The following MCTP2 variants were observed in gnomAD, a reference collection of about 807,000 sequenced individuals.
MCTP2 encodes the protein multiple C2 and transmembrane domain-containing protein 2.
Under a neutral mutation model 111.6 loss-of-function variants are expected in MCTP2, and 132 were observed. The observed-to-expected ratio is 1.18, with a 90% confidence interval of 1.03 to 1.37. The LOEUF is 1.37. Ranked by LOEUF, MCTP2 falls within the 40% of genes most tolerant of loss-of-function variation. MCTP2 has a pLI of 0.00. For synonymous variants in MCTP2, 395 were observed against 387.7 expected, an observed-to-expected ratio of 1.02 and a Z score of -0.22; for missense variants, 1,183 against 1,067.9, an observed-to-expected ratio of 1.11 and a Z score of -1.50.
intron 8 of MCTP2, among the ~76,000 whole-genome samples, chr15:94,345,778 G>A (rs972279163): frequency 6.6e-6 from 1 of 152,168 alleles, no homozygotes; most frequent in African/African-American, 2.4e-5. Flanking sequence ...GTGAAAATTA[G>A]TGTAAAAATA....
chr15:94,360,977 G>A (rs147623216), intron 10 of MCTP2, among the ~76,000 whole-genome samples: 3 of 149,564 alleles, frequency 2.0e-5, no homozygotes, highest in East Asian at 2.0e-4. Flanking sequence ...GGAAATCTAC[G>A]GTAAAATATC....
chr15:94,232,193 T>C (rs1305169498), intron 1 of MCTP2, among the ~76,000 whole-genome samples: 2 of 152,260 alleles, frequency 1.3e-5, no homozygotes, highest in African/African-American at 4.8e-5. Flanking sequence ...GACAGTGATG[T>C]TGGTGGTGAA....
chr15:94,446,201 G>A (rs1206328900), intron 19 of MCTP2, among the ~76,000 whole-genome samples: 1 of 152,160 alleles, frequency 6.6e-6, no homozygotes, highest in Non-Finnish European at 1.5e-5. Context: ...GAACTTTCAG[G>A]TAACTAGGTT....
chr15:94,308,340 G>A (rs1331214781), intron 2 of MCTP2, among the ~76,000 whole-genome samples: 5 of 152,298 alleles, frequency 3.3e-5, no homozygotes, highest in South Asian at 2.1e-4. Flanking sequence ...CTGGTCAGGC[G>A]AGGTGTGCTG....
chr15:94,303,134 T>A (rs2075720495), intron 2 of MCTP2, among the ~76,000 whole-genome samples: 1 of 145,170 alleles, frequency 6.9e-6, no homozygotes, highest in Non-Finnish European at 1.5e-5. Context: ...ATATAGTTTA[T>A]ATATATATAT....
Position 94,480,639 on chromosome 15 carries a change from C to G in MCTP2, c.*1605C>G, listed in dbSNP as rs2074678881. On this transcript the variant is annotated 3_prime_UTR_variant, in exon 23 of 23. Transcript: ENST00000357742. Reference sequence around the variant, plus strand: ...GTGTAAACAATGCCTCATTGTCTTGCTTCTAACTATCATCTAGTTTATCAT... The same window carrying G: ...GTGTAAACAATGCCTCATTGTCTTGGTTCTAACTATCATCTAGTTTATCAT... The G allele has an allele frequency of 6.6e-6, 1 of 152,224 alleles. No individual in the cohort carries two copies. Among genetic ancestry groups the G allele is most frequent in the South Asian group, 2.1e-4 (1 of 4,828 alleles). 9.4% of individuals were successfully genotyped at this position (152,224 alleles called of 1,614,324 possible). A position where few individuals can be genotyped will look rare whatever the true frequency, so the allele number is the denominator to read the frequency against.
At chr15:94,435,459 T>G (rs2083418605) in intron 17 of MCTP2, among the ~76,000 whole-genome samples, 1 of 152,000 alleles carries the variant, frequency 6.6e-6, no homozygotes, top group Admixed American at 6.5e-5. Flanking sequence ...TTTAATGTTT[T>G]GCTGCTAGTA....
chr15:94,338,647 G>A (rs527881290), intron 4 of MCTP2, among the ~76,000 whole-genome samples: 1 of 152,288 alleles, frequency 6.6e-6, no homozygotes, highest in African/African-American at 2.4e-5. Context: ...GGGCGGGTCA[G>A]CGGTGTCAGC....
In MCTP2 at chr15:94,244,234, A is replaced by T. The variant is rs376475443; in HGVS notation, c.-66+12570A>T. On this transcript the variant is annotated intron_variant, in intron 1 of 22. Coordinates refer to ENST00000357742, the MANE Select transcript of MCTP2 (RefSeq NM_001385001.1). ...CACATACATATGTGTATATATTTAT[A>T]TACACGTGTATACACATATGTGTAT... 7.2e-4 allele frequency among the ~76,000 whole-genome samples: 87 copies of T among 121,256 alleles called. 1 individual carries two copies. In the South Asian group the frequency reaches 0.022, roughly 31 times the overall value. 79.5% of individuals were successfully genotyped at this position (121,256 alleles called of 152,430 possible). A position where few individuals can be genotyped will look rare whatever the true frequency, so the allele number is the denominator to read the frequency against.
chr15:94,363,151 C>T (rs773715664), intron 10 of MCTP2, among the ~76,000 whole-genome samples: 2 of 152,110 alleles, frequency 1.3e-5, no homozygotes, highest in Admixed American at 6.6e-5. Flanking sequence ...TTTGTTACGG[C>T]GCTGACATTC....
At chr15:94,412,987 T>G (rs754596033) in intron 17 of MCTP2, among the ~76,000 whole-genome samples, 5 of 152,260 alleles carry the variant, frequency 3.3e-5, no homozygotes, top group Non-Finnish European at 5.9e-5. Context: ...TGGCGATTTT[T>G]ACATTTTTGA....
intron 20 of MCTP2, among the ~76,000 whole-genome samples, chr15:94,458,824 A>G (rs1175196670): frequency 6.6e-6 from 1 of 152,210 alleles, no homozygotes; most frequent in Non-Finnish European, 1.5e-5. Flanking sequence ...TGACTACTCA[A>G]CTCTGTTGTT....
At position 94,482,674 on chromosome 15, in the gene MCTP2, T is replaced by C. The variant is rs2074785111; in HGVS notation, c.*3640T>C. ...ATGTACACAAGTTAAAGGCAAACAT[T>C]GTATATGAAAAGTGATCAAAACTAC... On this transcript the variant is annotated 3_prime_UTR_variant, in exon 23 of 23. Coordinates refer to ENST00000357742, the MANE Select transcript of MCTP2 (RefSeq NM_001385001.1). 6.6e-6 allele frequency: 1 copy of C among 152,178 alleles called. No homozygotes were observed. The highest frequency in any genetic ancestry group is 1.5e-5 in the Non-Finnish European group (1 of 68,032). 9.4% of individuals were successfully genotyped at this position (152,178 alleles called of 1,614,324 possible).
At chr15:94,440,065 A>G (rs1466707006) in intron 17 of MCTP2, 111 bp from the exon 18 acceptor site, 2 of 1,236,964 alleles carry the variant, frequency 1.6e-6, no homozygotes, top group Admixed American at 2.0e-5. Context: ...ATGTTTCTGA[A>G]TGTGACTAGA....
Position 94,478,894 on chromosome 15 carries a change from G to A in MCTP2, c.2569-72G>A, listed in dbSNP as rs1018191630. The A allele has an allele frequency of 2.2e-6, 3 of 1,339,420 alleles. No homozygotes were observed. In the African/African-American group the frequency reaches 4.3e-5, roughly 19 times the overall value. 83.0% of individuals were successfully genotyped at this position (1,339,420 alleles called of 1,614,324 possible). A position where few individuals can be genotyped will look rare whatever the true frequency, so the allele number is the denominator to read the frequency against. On this transcript the variant is annotated intron_variant, in intron 22 of 22. Transcript: ENST00000357742. ...TTCCTTTGCCTTCGGTTGTCCTTGGGGAGCCATTAGCACACACTGTGGCGA... is the reference window on the plus strand; with the variant it reads ...TTCCTTTGCCTTCGGTTGTCCTTGGAGAGCCATTAGCACACACTGTGGCGA...
In MCTP2 at chr15:94,315,642, G is replaced by C. The variant is rs758462632; in HGVS notation, c.637+5G>C. ...TGGTTGTCCGAGATCGCTGTGGTAAGACCTGGGTCTGTTATGGTGGGTGTA... is the reference window on the plus strand; with the variant it reads ...TGGTTGTCCGAGATCGCTGTGGTAACACCTGGGTCTGTTATGGTGGGTGTA... On this transcript the variant is annotated splice_donor_5th_base_variant and intron_variant, in intron 4 of 22. Coordinates refer to ENST00000357742, the MANE Select transcript of MCTP2 (RefSeq NM_001385001.1). 1 of 1,608,856 alleles carries C rather than the reference G, an allele frequency of 6.2e-7. No homozygotes were observed. Among genetic ancestry groups the C allele is most frequent in the South Asian group, 1.1e-5 (1 of 90,926 alleles).
At position 94,282,554 on chromosome 15, in the gene MCTP2, G is replaced by C. The variant is rs145842101; in HGVS notation, c.-65-15647G>C. On this transcript the variant is annotated intron_variant, in intron 1 of 22. Transcript: ENST00000357742. ...TATGTCTGTCATTTCAGCCATTTTA[G>C]TCTGGTTAAGCATCATTGCTGGAGA... 9.2e-5 allele frequency among the ~76,000 whole-genome samples: 14 copies of C among 152,288 alleles called. No homozygotes were observed. The East Asian group carries it at 2.7e-3, about 29-fold the overall frequency.
intron 8 of MCTP2, among the ~76,000 whole-genome samples, chr15:94,347,316 A>T (rs571989954): frequency 6.6e-6 from 1 of 152,278 alleles, no homozygotes; most frequent in Non-Finnish European, 1.5e-5. Context: ...ATTTAATATT[A>T]TGTAATAATT....
At chr15:94,414,462 T>C (rs568679656) in intron 17 of MCTP2, among the ~76,000 whole-genome samples, 1 of 152,264 alleles carries the variant, frequency 6.6e-6, no homozygotes, top group Non-Finnish European at 1.5e-5. Context: ...CAAAATCTAA[T>C]CCGTTAAAAA....
Sources: gnomAD v4.1 joint callset for allele counts (sites outside exome capture counted in the v4.1 genomes callset) on GRCh38, gnomAD v4.1.1 for gene constraint, MANE v1.5 for transcripts, NCBI Gene and HGNC (gene_info 2026-07-23, HGNC 2026-07-21) for gene names.